TRPC7: variants seen among roughly 807,000 people sequenced by gnomAD.
TRPC7 encodes the protein transient receptor potential cation channel subfamily C member 7.
TRPC7 carries 42 observed loss-of-function variants against 90.1 expected under a neutral mutation model. The ratio of observed to expected loss-of-function variants is 0.47; its 90% CI spans 0.36 to 0.60. TRPC7 has a LOEUF of 0.60. Among genes scored for constraint, TRPC7 ranks in the 20% least tolerant of loss-of-function variants. The probability of loss-of-function intolerance (pLI) is 0.00; values close to 1 mark genes in which losing one functional copy is unlikely to be tolerated. For missense variants in TRPC7, 955 were observed against 1,112.3 expected, an observed-to-expected ratio of 0.86 and a Z score of 2.01; for synonymous variants, 451 against 436.3, an observed-to-expected ratio of 1.03 and a Z score of -0.42.
intron 2 of TRPC7, among the ~76,000 whole-genome samples, chr5:136,338,210 T>C (rs1352555776): frequency 6.6e-6 from 1 of 152,226 alleles, no homozygotes; most frequent in Non-Finnish European, 1.5e-5. Flanking sequence ...GGAGAGATCA[T>C]AGTAACGTAA....
At chr5:136,304,479 G>C (rs180770) in intron 3 of TRPC7, among the ~76,000 whole-genome samples, 1 of 151,656 alleles carries the variant, frequency 6.6e-6, no homozygotes, top group South Asian at 2.1e-4. Flanking sequence ...TGTTTTGCCT[G>C]TCCACCCCGT....
intron 3 of TRPC7, among the ~76,000 whole-genome samples, chr5:136,307,405 G>A (rs565658211): frequency 1.4e-4 from 22 of 152,082 alleles, no homozygotes; most frequent in Admixed American, 2.0e-4. Flanking sequence ...TCTTTCTGAG[G>A]CTGAGGCACT....
At chr5:136,330,994 C>A (rs893335777) in intron 2 of TRPC7, among the ~76,000 whole-genome samples, 1 of 152,096 alleles carries the variant, frequency 6.6e-6, no homozygotes, top group Non-Finnish European at 1.5e-5. Context: ...TTTATGGAGT[C>A]CCCCCGCCAG....
chr5:136,216,843 C>T (rs1477723261), intron 10 of TRPC7, among the ~76,000 whole-genome samples: 2 of 152,200 alleles, frequency 1.3e-5, no homozygotes, highest in African/African-American at 4.8e-5. Context: ...CAGACACAGC[C>T]GGGCCTCTGG....
chr5:136,267,207 A>G (rs966791283), intron 4 of TRPC7, among the ~76,000 whole-genome samples: 1 of 152,190 alleles, frequency 6.6e-6, no homozygotes, highest in Non-Finnish European at 1.5e-5. Flanking sequence ...AATACTAGTC[A>G]CATCTTCTTT....
In TRPC7 at chr5:136,334,350, G is replaced by A. The variant is rs566300233; in HGVS notation, c.781-18571C>T. Among the ~76,000 whole-genome samples the A allele has an allele frequency of 2.0e-5, 3 of 152,308 alleles. No homozygotes were observed. The South Asian group carries it at 6.2e-4, about 32-fold the overall frequency. On this transcript the variant is annotated intron_variant, in intron 2 of 11. Transcript: ENST00000513104. ...TGCTATTGATTAAGATGGGCTAACA[G>A]CTAAATGGCGAAGTAGCAATTAAAA...
At chr5:136,361,796 C>A (rs4976492) in intron 1 of TRPC7, among the ~76,000 whole-genome samples, 48,919 of 151,852 alleles carry the variant, frequency 0.32, 8,742 homozygotes, top group Admixed American at 0.46. Context: ...CATCTTCTCC[C>A]AAGAGTACAT....
rs986737270 is a variant in TRPC7 at position 136,284,310 on chromosome 5, C to T, written c.964-9473G>A. 6.6e-5 allele frequency among the ~76,000 whole-genome samples: 10 copies of T among 152,272 alleles called. No individual in the cohort carries two copies. In the East Asian group the frequency reaches 1.2e-3, roughly 18 times the overall value. ...ACCATGATATGTGTGTATGTGCACA[C>T]GTGTGTGTGTATATTCACACATGTA... is the stretch of plus-strand genomic sequence containing the variant. On this transcript the variant is annotated intron_variant, in intron 3 of 11. Transcript: ENST00000513104.
rs1216480326 is a variant in TRPC7 at position 136,247,437 on chromosome 5, G to A, written c.1844+34C>T. The A allele has an allele frequency of 1.3e-6, 2 of 1,573,912 alleles. No individual in the cohort carries two copies. Among genetic ancestry groups the A allele is most frequent in the South Asian group, 1.2e-5 (1 of 83,344 alleles). The stretch of plus-strand genomic sequence containing the variant: ...TCCCAAGGATTCCCAGGAAGCCCAG[G>A]GAGAACCTCAGGGGAAAGCTCTCAG... On this transcript the variant is annotated intron_variant, in intron 7 of 11. Transcript: ENST00000513104. This position sits in a 1 kb window ranked among gnomAD's most constrained non-coding sequence, Gnocchi z 4.2.
At chr5:136,285,846 A>G (rs1348791301) in intron 3 of TRPC7, among the ~76,000 whole-genome samples, 3 of 152,166 alleles carry the variant, frequency 2.0e-5, no homozygotes, top group Non-Finnish European at 4.4e-5. Context: ...GTGCCCCTCC[A>G]CAGTATTCCT....
chr5:136,213,453 G>T lies in TRPC7; in HGVS notation c.2571C>A (p.Asn857Lys), dbSNP rs373082826. 3 of 1,613,842 alleles carry T rather than the reference G, an allele frequency of 1.9e-6. No individual in the cohort carries two copies. In the African/African-American group the frequency reaches 4.0e-5, roughly 22 times the overall value. The change falls in exon 12 of 12, where the codon AAC becomes AAA. Residue 857 changes from asparagine (N) to lysine (K), a missense_variant. Around this residue, in one of 4 missense-constraint regions of TRPC7, gnomAD observed 296 missense variants for 422.7 expected, o/e 0.70. Transcript: ENST00000513104. ...TGGGCTGCTAAATGTCTTTGCCCTTGTTCACCCTCAGGTGGTCTTTGTTTA... is the reference window on the plus strand; with the variant it reads ...TGGGCTGCTAAATGTCTTTGCCCTTTTTCACCCTCAGGTGGTCTTTGTTTA... ...KNLNKDHLRV[N>K]KGKDI
In TRPC7 at chr5:136,226,213, A is replaced by G; in HGVS notation, c.2083T>C (p.Trp695Arg). Residue 695 changes from tryptophan (W) to arginine (R), a missense_variant, in exon 9 of 12, where the codon TGG (tryptophan) becomes CGG (arginine). Around this residue, in one of 4 missense-constraint regions of TRPC7, gnomAD observed 296 missense variants for 422.7 expected, o/e 0.70. Transcript: ENST00000513104. ...CTTCCTTCATCAAAGTAAGACAGCC[A>G]GAGTTTTGCTCGGGCGAACTTCCAT... ...VEWKFARAKL[W>R]LSYFDEGRTL... is the part of the protein sequence containing the mutation. The G allele has an allele frequency of 6.4e-7, 1 of 1,552,190 alleles. No homozygotes were observed. Among genetic ancestry groups the G allele is most frequent in the Non-Finnish European group, 8.7e-7 (1 of 1,147,150 alleles).
At chr5:136,344,953 A>G (rs1167181267) in intron 2 of TRPC7, among the ~76,000 whole-genome samples, 1 of 152,214 alleles carries the variant, frequency 6.6e-6, no homozygotes, top group Non-Finnish European at 1.5e-5. Flanking sequence ...TTCCATTAGA[A>G]TGTAAGCTCC....
chr5:136,283,744 C>G (rs1003977219), intron 3 of TRPC7, among the ~76,000 whole-genome samples: 1 of 152,206 alleles, frequency 6.6e-6, no homozygotes, highest in Non-Finnish European at 1.5e-5. Flanking sequence ...TTTCTTACTT[C>G]TGGGAATTTT....
At chr5:136,290,801 A>G (rs1433191231) in intron 3 of TRPC7, among the ~76,000 whole-genome samples, 1 of 152,194 alleles carries the variant, frequency 6.6e-6, no homozygotes, top group East Asian at 1.9e-4. Flanking sequence ...TGCCACAAAG[A>G]TACTCCTTGA....
rs2149839267 is a variant in TRPC7, at chr5:136,315,791, G to A, written c.781-12C>T. ...TTCCTGTAATCGTTCTAACAGAATA[G>A]AGAGAAATCAGCGGTATGTCACATG... On this transcript the variant is annotated splice_polypyrimidine_tract_variant and intron_variant, in intron 2 of 11. Transcript: ENST00000513104. 2 of 1,610,972 alleles carry A rather than the reference G, an allele frequency of 1.2e-6. No individual in the cohort carries two copies. The highest frequency in any genetic ancestry group is 8.5e-7 in the Non-Finnish European group (1 of 1,177,542).
chr5:136,255,887 A>G (rs1269761863), intron 5 of TRPC7, among the ~76,000 whole-genome samples: 1 of 152,174 alleles, frequency 6.6e-6, no homozygotes, highest in African/African-American at 2.4e-5. Flanking sequence ...CCTAGAGTTC[A>G]TGTTCTTGAC....
chr5:136,285,317 C>A (rs1214466618), intron 3 of TRPC7, among the ~76,000 whole-genome samples: 2 of 152,100 alleles, frequency 1.3e-5, no homozygotes, highest in African/African-American at 4.8e-5. Flanking sequence ...CCCCACTGTA[C>A]TCCCATGTAC....
chr5:136,290,317 G>A (rs1757894787), intron 3 of TRPC7, among the ~76,000 whole-genome samples: 1 of 152,176 alleles, frequency 6.6e-6, no homozygotes, highest in Non-Finnish European at 1.5e-5. Flanking sequence ...ATTGAGAGAA[G>A]AAGGCTTCAG....
Sources: gnomAD v4.1 joint callset for allele counts (sites outside exome capture counted in the v4.1 genomes callset) on GRCh38, gnomAD v4.1.1 for gene constraint, gnomAD v4.1.1 regional missense constraint, Gnocchi (gnomAD v3.1) non-coding constraint, MANE v1.5 for transcripts, NCBI Gene and HGNC (gene_info 2026-07-23, HGNC 2026-07-21) for gene names.